The following STK4 variants were observed in gnomAD, a reference collection of about 807,000 sequenced individuals.
STK4 encodes serine/threonine-protein kinase 4.
STK4 carries 30 observed loss-of-function variants against 64.9 expected under a neutral mutation model. That is an observed-to-expected ratio of 0.46 (90% CI 0.35 to 0.63). The LOEUF is 0.63. Ranked by LOEUF, STK4 falls within the 20% of genes least tolerant of loss-of-function variation. The pLI, the probability that STK4 is intolerant of heterozygous loss-of-function variation, is 0.01. For synonymous variants in STK4, 177 were observed against 199.0 expected (o/e 0.89, Z 0.93); for missense variants, 466 against 598.5 (o/e 0.78, Z 2.31).
chr20:45,062,689 CGCTTTGTCGCCCAGGCTGGAGTGCCCA>C (rs1459566024), intron 10 of STK4, among the ~76,000 whole-genome samples: 9 of 151,942 alleles, frequency 5.9e-5, no homozygotes, highest in South Asian at 4.1e-4. Context: ...GACGGAGTCT[CGCTTTGTCGCCCAGGCTGGAGTGCCCA>C]GCTTTGTCGC....
intron 10 of STK4, among the ~76,000 whole-genome samples, chr20:45,073,642 G>C (rs1177926893): frequency 1.3e-5 from 2 of 152,184 alleles, no homozygotes; most frequent in African/African-American, 4.8e-5. Flanking sequence ...TGAGCACACA[G>C]AATAAAGTAT....
chr20:45,004,609 C>G (rs531605396), intron 9 of STK4, among the ~76,000 whole-genome samples: 71 of 151,284 alleles, frequency 4.7e-4, no homozygotes, highest in Non-Finnish European at 7.7e-4. Flanking sequence ...CAAAAGTTTT[C>G]TCCCATTCTG....
rs1568709093 is a variant in STK4, at chr20:45,001,320, G to C, written c.1114G>C (p.Ala372Pro). 1 of 1,613,682 alleles carries C rather than the reference G, an allele frequency of 6.2e-7. No individual in the cohort carries two copies. Among genetic ancestry groups the C allele is most frequent in the African/African-American group, 1.3e-5 (1 of 75,034 alleles). ...ACAACTGGGCACCATGGTGATCAAT[G>C]CAGAGGATGAGGAAGAGGAAGGAAC... ...PSQLGTMVIN[A>P]EDEEEEGTMK... Residue 372 changes from alanine (A) to proline (P), a missense_variant, in exon 9 of 11, where the codon GCA (alanine) becomes CCA (proline). Ala to Pro is a conservative substitution (Grantham distance 27). Coordinates refer to ENST00000372806, the MANE Select transcript of STK4 (RefSeq NM_006282.5).
chr20:45,037,401 T>G (rs572165266), intron 10 of STK4, among the ~76,000 whole-genome samples: 15 of 149,920 alleles, frequency 1.0e-4, no homozygotes, highest in African/African-American at 3.8e-4. Context: ...AGTACTCTTT[T>G]AGATTTTTTC....
At chr20:44,988,473 C>T (rs903207196) in intron 5 of STK4, among the ~76,000 whole-genome samples, 1 of 147,572 alleles carries the variant, frequency 6.8e-6, no homozygotes, top group Non-Finnish European at 1.5e-5. Flanking sequence ...CAGAGTGAGA[C>T]CCCATCTCAA....
At chr20:45,006,574 A>G (rs936312544) in intron 9 of STK4, among the ~76,000 whole-genome samples, 3 of 151,250 alleles carry the variant, frequency 2.0e-5, no homozygotes, top group African/African-American at 7.3e-5. Flanking sequence ...TTTGTTTTTG[A>G]GCTTATGTTT....
At chr20:44,978,699 T>A (rs2067381295) in intron 3 of STK4, 128 bp downstream of exon 3, 1 of 1,085,056 alleles carries the variant, frequency 9.2e-7, no homozygotes, top group Admixed American at 3.0e-5. Flanking sequence ...GGAATCACTG[T>A]GCATTTTCTT....
At chr20:45,061,738 T>G (rs999410092) in intron 10 of STK4, among the ~76,000 whole-genome samples, 9 of 152,134 alleles carry the variant, frequency 5.9e-5, no homozygotes, top group African/African-American at 2.2e-4. Context: ...TTTATTGATC[T>G]TTTCCCTTCT....
chr20:44,993,032 G>C (rs1448331579), intron 5 of STK4, among the ~76,000 whole-genome samples: 2 of 151,828 alleles, frequency 1.3e-5, no homozygotes, highest in African/African-American at 4.8e-5. Context: ...GTTGGGCTTT[G>C]TTTTTTATGT....
chr20:45,019,580 A>G (rs1417570346), intron 9 of STK4, among the ~76,000 whole-genome samples: 1 of 152,230 alleles, frequency 6.6e-6, no homozygotes, highest in Non-Finnish European at 1.5e-5. Flanking sequence ...AGCTTGACAA[A>G]TGCTGCTTAC....
At chr20:44,967,132 G>T in intron 1 of STK4, 1 of 984,674 alleles carries the variant, frequency 1.0e-6, no homozygotes, top group Non-Finnish European at 1.2e-6. Flanking sequence ...TAGCAAGGGA[G>T]GGGATGGTGG....
At chr20:45,058,378 G>A (rs908051539) in intron 10 of STK4, among the ~76,000 whole-genome samples, 3 of 152,054 alleles carry the variant, frequency 2.0e-5, no homozygotes, top group Admixed American at 1.3e-4. Flanking sequence ...TCTTTTCCAC[G>A]CTAAGAAATC....
In STK4 at chr20:45,075,551, A is replaced by G. The variant is rs1980448662; in HGVS notation, c.*375A>G. ...TTTAAAAAAATATAAATATGCATAT[A>G]TATATATAAATTATAAATAGATTCC... On this transcript the variant is annotated 3_prime_UTR_variant, in exon 11 of 11. Transcript: ENST00000372806. The G allele has an allele frequency of 6.5e-6, 1 of 154,918 alleles. No individual in the cohort carries two copies. The highest frequency in any genetic ancestry group is 6.4e-5 in the Admixed American group (1 of 15,716). The allele number at this position is 154,918 out of a possible 1,614,324, so 9.6% of individuals were successfully genotyped here.
chr20:45,023,463 T>TC (rs1209487021), intron 9 of STK4, among the ~76,000 whole-genome samples: 1 of 152,176 alleles, frequency 6.6e-6, no homozygotes, highest in Non-Finnish European at 1.5e-5. Flanking sequence ...AGATACCTTC[T>TC]CATCTACTTC....
At chr20:45,032,279 C>G (rs544830654) in intron 10 of STK4, among the ~76,000 whole-genome samples, 2 of 151,522 alleles carry the variant, frequency 1.3e-5, no homozygotes, top group Admixed American at 1.3e-4. Context: ...TTTTTTTTAC[C>G]TTTATTTCAG....
chr20:45,042,918 T>C (rs1332861149), intron 10 of STK4, among the ~76,000 whole-genome samples: 1 of 152,124 alleles, frequency 6.6e-6, no homozygotes, highest in Non-Finnish European at 1.5e-5. Context: ...ATGTGTGCCA[T>C]GTTGGTTTAT....
intron 5 of STK4, 71 bp downstream of exon 5, chr20:44,987,367 A>G (rs966959125): frequency 1.6e-5 from 22 of 1,407,836 alleles, no homozygotes; most frequent in Middle Eastern, 2.1e-4. Flanking sequence ...TTATTTACCT[A>G]TTTTTAAAAT....
intron 5 of STK4, among the ~76,000 whole-genome samples, chr20:44,993,664 T>C (rs1320791955): frequency 2.6e-5 from 4 of 152,186 alleles, no homozygotes; most frequent in African/African-American, 9.7e-5. Context: ...GAAGTCCTTT[T>C]TCGTATTTAG....
chr20:45,060,458 T>G (rs937041800), intron 10 of STK4, among the ~76,000 whole-genome samples: 1 of 143,874 alleles, frequency 7.0e-6, no homozygotes, highest in Non-Finnish European at 1.5e-5. Context: ...CGAGATAAAG[T>G]TTTTTTTCCC....
Sources: allele counts gnomAD v4.1 joint callset (sites outside exome capture counted in the v4.1 genomes callset), GRCh38; gene constraint gnomAD v4.1.1; transcripts MANE v1.5; gene names NCBI Gene and HGNC (gene_info 2026-07-23, HGNC 2026-07-21).